DENND2D: variants seen among roughly 807,000 people sequenced by gnomAD.
DENND2D encodes the protein DENN domain-containing protein 2D.
A neutral mutation model predicts 59.8 loss-of-function variants in DENND2D; 37 were observed. That is an observed-to-expected ratio of 0.62 (90% CI 0.48 to 0.81). The LOEUF (loss-of-function observed/expected upper bound fraction) is 0.81, where lower values mean the gene tolerates loss of function less well. DENND2D is among the 40% of genes least tolerant of loss of function. The probability of loss-of-function intolerance (pLI) is 0.00; values close to 1 mark genes in which losing one functional copy is unlikely to be tolerated. For missense variants in DENND2D, 525 were observed against 579.7 expected (o/e 0.91, Z 0.97); for synonymous variants, 219 against 211.3 (o/e 1.04, Z -0.31).
At chr1:111,196,106 G>A in intron 5 of DENND2D, 50 bp from the exon 6 acceptor site, 1 of 1,550,936 alleles carries the variant, frequency 6.4e-7, no homozygotes. Context: ...ACACTACCAG[G>A]CAGGTGGAAG....
At chr1:111,197,621 G>A in intron 4 of DENND2D, 1 of 1,358,090 alleles carries the variant, frequency 7.4e-7, no homozygotes. Flanking sequence ...TGCTCTGGGA[G>A]GCTCCAGGGG....
At chr1:111,204,420 C>G (rs1659113885), upstream of DENND2D, 7 of 1,324,192 alleles carry the variant, frequency 5.3e-6, no homozygotes, top group Non-Finnish European at 5.8e-6. Flanking sequence ...CCTTGACCTC[C>G]GCGGGTCCGA....
rs546214815 is a variant in DENND2D at position 111,195,089 on chromosome 1, G to GC, written c.646-364dup. 218 of 210,776 alleles carry GC rather than the reference G, an allele frequency of 1.0e-3. 2 individuals are homozygous for GC. The highest frequency in any genetic ancestry group is 0.01 in the Middle Eastern group (6 of 596). 13.1% of individuals were successfully genotyped at this position (210,776 alleles called of 1,614,324 possible). On this transcript the variant is annotated intron_variant, in intron 6 of 11. Transcript: ENST00000357640. ...TCTTACCCTCTTTCAGGTCACAGAG[G>GC]CCCCCCTTTGGCCATGTGATACTTT...
intron 8 of DENND2D, among the ~76,000 whole-genome samples, chr1:111,190,428 G>C (rs1163082716): frequency 6.6e-6 from 1 of 152,186 alleles, no homozygotes; most frequent in South Asian, 2.1e-4. Context: ...CCAACCAGCA[G>C]ATCTGTTTCT....
chr1:111,189,340 G>GAAAGA, intron 8 of DENND2D, 87 bp from the exon 9 acceptor site: 2 of 1,430,524 alleles, frequency 1.4e-6, no homozygotes, highest in Non-Finnish European at 2.0e-6. Flanking sequence ...GCCTGTGGCT[G>GAAAGA]TATCTTTCAG....
Position 111,187,693 on chromosome 1 carries a change from A to T in DENND2D, c.1340-12T>A. ...CTGTTGGAAATAGCCTGTGGGTTCA[A>T]ATACAGGTGTTAGAGGCATCTGATC... is the stretch of plus-strand genomic sequence containing the variant. On this transcript the variant is annotated splice_polypyrimidine_tract_variant and intron_variant, in intron 11 of 11. Transcript: ENST00000357640. 6.2e-7 allele frequency: 1 copy of T among 1,608,370 alleles called. No individual in the cohort carries two copies. The highest frequency in any genetic ancestry group is 8.5e-7 in the Non-Finnish European group (1 of 1,175,194).
intron 6 of DENND2D, 137 bp downstream of exon 6, chr1:111,195,779 T>A: frequency 7.7e-7 from 1 of 1,291,272 alleles, no homozygotes; most frequent in Non-Finnish European, 1.1e-6. Flanking sequence ...GCTTTGTCCA[T>A]TCTAACCAAG....
upstream of DENND2D, among the ~76,000 whole-genome samples, chr1:111,202,724 C>CACACACACACAT (rs1334327826): frequency 1.8e-4 from 27 of 151,932 alleles, no homozygotes; most frequent in African/African-American, 6.5e-4. Context: ...CACACACACA[C>CACACACACACAT]ACTCCCTCCT....
intron 8 of DENND2D, among the ~76,000 whole-genome samples, chr1:111,190,820 G>A (rs562543336): frequency 6.6e-6 from 1 of 152,328 alleles, no homozygotes; most frequent in African/African-American, 2.4e-5. Context: ...CATCAGGGGA[G>A]AAAAGTTGAA....
At chr1:111,204,250 C>T, upstream of DENND2D, 1 of 1,451,108 alleles carries the variant, frequency 6.9e-7, no homozygotes. Flanking sequence ...CCCCGGCTCC[C>T]CGGTGCCCAC....
chr1:111,198,479 A>C, intron 3 of DENND2D, 151 bp downstream of exon 3: 1 of 700,134 alleles, frequency 1.4e-6, no homozygotes, highest in Non-Finnish European at 2.4e-6. Context: ...GCCTTGAGGG[A>C]CCCCAGGCCA....
rs1310150118 is a variant in DENND2D, at chr1:111,186,765, A to G, written c.*840T>C. 6.6e-6 allele frequency among the ~76,000 whole-genome samples: 1 copy of G among 152,190 alleles called. No homozygotes were observed. The highest frequency in any genetic ancestry group is 1.9e-4 in the East Asian group (1 of 5,202). ...GTTGGAGGTAGGATGTCCAAGACTG[A>G]AGGTAAAGGACTAGTGCAAACTGAA... On this transcript the variant is annotated 3_prime_UTR_variant, in exon 12 of 12. Transcript: ENST00000357640.
chr1:111,194,469 G>C, intron 7 of DENND2D, 109 bp downstream of exon 7: 1 of 1,272,008 alleles, frequency 7.9e-7, no homozygotes, highest in Non-Finnish European at 1.1e-6. Flanking sequence ...AAACAGGAGG[G>C]TGGGCGCATG....
Position 111,188,118 on chromosome 1 carries a change from A to T in DENND2D, c.1339+13T>A. 2 of 1,613,884 alleles carry T rather than the reference A, an allele frequency of 1.2e-6. No individual in the cohort carries two copies. The highest frequency in any genetic ancestry group is 1.7e-6 in the Non-Finnish European group (2 of 1,179,924). On this transcript the variant is annotated intron_variant, in intron 11 of 11. Coordinates refer to ENST00000357640, the MANE Select transcript of DENND2D (RefSeq NM_024901.5). ...CCTCTATGGGCTTAGACTGATGGGGACTGTTACTGTACCTGCAGGAGGATT... is the reference window on the plus strand; with the variant it reads ...CCTCTATGGGCTTAGACTGATGGGGTCTGTTACTGTACCTGCAGGAGGATT...
In DENND2D at chr1:111,189,211, C is replaced by A; in HGVS notation, c.1014+1G>T. ...CAGGGGATCTGAACCCAGACACTTA[C>A]CGACATTAAGAAGGTTCCTTCACAA... On this transcript the variant is annotated splice_donor_variant, in intron 9 of 11. Transcript: ENST00000357640. LOFTEE classifies it high-confidence loss of function. 5 of 1,614,152 alleles carry A rather than the reference C, an allele frequency of 3.1e-6. No homozygotes were observed. Among genetic ancestry groups the A allele is most frequent in the Non-Finnish European group, 3.4e-6 (4 of 1,180,014 alleles).
Position 111,187,480 on chromosome 1 carries a change from A to G in DENND2D, c.*125T>C, listed in dbSNP as rs1657324725. 2 of 731,946 alleles carry G rather than the reference A, an allele frequency of 2.7e-6. No homozygotes were observed. Among genetic ancestry groups the G allele is most frequent in the African/African-American group, 3.5e-5 (2 of 56,712 alleles). 45.3% of individuals were successfully genotyped at this position (731,946 alleles called of 1,614,324 possible). A position where few individuals can be genotyped will look rare whatever the true frequency, so the allele number is the denominator to read the frequency against. On this transcript the variant is annotated 3_prime_UTR_variant, in exon 12 of 12. Transcript: ENST00000357640. ...GACACCAGTTTGAAGCAATACCTGGATACCAAGACTCAGAGTGAGGATATG... is the reference window on the plus strand; with the variant it reads ...GACACCAGTTTGAAGCAATACCTGGGTACCAAGACTCAGAGTGAGGATATG...
intron 7 of DENND2D, among the ~76,000 whole-genome samples, chr1:111,193,823 A>G (rs1207648708): frequency 1.3e-5 from 2 of 152,168 alleles, no homozygotes; most frequent in Non-Finnish European, 2.9e-5. Context: ...TGAAGCCCCT[A>G]AAAGGTAGAG....
At chr1:111,193,789 A>T (rs777951337) in intron 7 of DENND2D, among the ~76,000 whole-genome samples, 1 of 152,122 alleles carries the variant, frequency 6.6e-6, no homozygotes, top group African/African-American at 2.4e-5. Flanking sequence ...ATTCTATTAC[A>T]TCTCCCCACG....
chr1:111,189,212 C>A lies in DENND2D; in HGVS notation c.1014G>T (p.Ser338=), dbSNP rs770665145. 4 of 1,614,086 alleles carry A rather than the reference C, an allele frequency of 2.5e-6. No individual in the cohort carries two copies. Among genetic ancestry groups the A allele is most frequent in the Non-Finnish European group, 2.5e-6 (3 of 1,179,986 alleles). Residue 338 remains serine (S), a splice_region_variant and synonymous_variant, in exon 9 of 12, where the codon TCG becomes TCT. Coordinates refer to ENST00000357640, the MANE Select transcript of DENND2D (RefSeq NM_024901.5). ...VNLCEGTFLM[S]VGDEKDILPP... ...AGGGGATCTGAACCCAGACACTTAC[C>A]GACATTAAGAAGGTTCCTTCACAAA...
Sources: gnomAD v4.1 joint callset for allele counts (sites outside exome capture counted in the v4.1 genomes callset) on GRCh38, gnomAD v4.1.1 for gene constraint, MANE v1.5 for transcripts, NCBI Gene and HGNC (gene_info 2026-07-23, HGNC 2026-07-21) for gene names.